PRKN: variants seen among roughly 807,000 people sequenced by gnomAD.
PRKN encodes the protein E3 ubiquitin-protein ligase parkin.
PRKN carries 56 observed loss-of-function variants against 59.5 expected under a neutral mutation model. The observed-to-expected ratio is 0.94, with a 90% CI of 0.76 to 1.18. The LOEUF (loss-of-function observed/expected upper bound fraction) is 1.18, where lower values mean the gene tolerates loss of function less well. PRKN is among the 50% of genes most tolerant of loss of function. The pLI, the probability that PRKN is intolerant of heterozygous loss-of-function variation, is 0.00. For synonymous variants in PRKN, 250 were observed against 222.1 expected, an observed-to-expected ratio of 1.13 and a Z score of -1.12; for missense variants, 657 against 596.4, an observed-to-expected ratio of 1.10 and a Z score of -1.06.
At chr6:162,375,484 G>A (rs1367868961) in intron 2 of PRKN, among the ~76,000 whole-genome samples, 1 of 150,960 alleles carries the variant, frequency 6.6e-6, no homozygotes, top group Non-Finnish European at 1.5e-5. Flanking sequence ...ATGTGTCATA[G>A]ACTGCATGGA....
chr6:161,961,477 T>A (rs1357603303), intron 6 of PRKN, among the ~76,000 whole-genome samples: 1 of 152,154 alleles, frequency 6.6e-6, no homozygotes, highest in Non-Finnish European at 1.5e-5. Context: ...CAAAGTTCTG[T>A]CTTGGCCAAG....
chr6:162,011,719 G>A (rs1165656059), intron 5 of PRKN, among the ~76,000 whole-genome samples: 1 of 150,108 alleles, frequency 6.7e-6, no homozygotes, highest in East Asian at 2.0e-4. Context: ...GTCACTCTGG[G>A]CTAATGACCT....
intron 5 of PRKN, among the ~76,000 whole-genome samples, chr6:162,031,054 G>A (rs1033139316): frequency 6.6e-6 from 1 of 152,124 alleles, no homozygotes; most frequent in African/African-American, 2.4e-5. Flanking sequence ...GGAAGAAGTT[G>A]ACATTACATA....
rs919945122 is a variant in PRKN at position 162,247,099 on chromosome 6, A to G, written c.412+15426T>C. On this transcript the variant is annotated intron_variant, in intron 3 of 11. Transcript: ENST00000366898. ...AGGAGCCTGTAGCTCTAAAAATTGT[A>G]CTATATATATTTATAGCTTTGTTAG... Among the ~76,000 whole-genome samples, 3 of 152,242 alleles carry G rather than the reference A, an allele frequency of 2.0e-5. No homozygotes were observed. The East Asian group carries it at 5.8e-4, about 29-fold the overall frequency.
intron 3 of PRKN, among the ~76,000 whole-genome samples, chr6:162,239,483 C>T (rs536123592): frequency 3.9e-5 from 6 of 152,036 alleles, no homozygotes; most frequent in South Asian, 4.2e-4. Flanking sequence ...CATGGTTAAG[C>T]GGCAAGCCCA....
chr6:161,601,371 T>C (rs1397640352), intron 7 of PRKN, among the ~76,000 whole-genome samples: 1 of 152,096 alleles, frequency 6.6e-6, no homozygotes, highest in Admixed American at 6.5e-5. Context: ...CTCCTTTGGG[T>C]CTATTAGATA....
intron 7 of PRKN, among the ~76,000 whole-genome samples, chr6:161,680,218 T>C (rs1785266036): frequency 6.6e-6 from 1 of 152,212 alleles, no homozygotes; most frequent in Non-Finnish European, 1.5e-5. Context: ...CCTTTCTCCT[T>C]AATTAGAGCA....
At chr6:162,296,431 T>C (rs1006984658) in intron 2 of PRKN, among the ~76,000 whole-genome samples, 3 of 152,082 alleles carry the variant, frequency 2.0e-5, no homozygotes, top group Admixed American at 1.3e-4. Context: ...TTTCTGAGCA[T>C]TGCAGGCTTT....
rs906440928 is a variant in PRKN at position 161,560,768 on chromosome 6, A to C, written c.933+8587T>G. On this transcript the variant is annotated intron_variant, in intron 8 of 11. Transcript: ENST00000366898. The surrounding 1 kb of genome is among the most constrained non-coding windows in gnomAD (Gnocchi z 4.9). ...TCTTGCTAAAGTATGAACATTGCTTAAATTCTTCAACTTCATCAAGACGTC... is the reference window on the plus strand; with the variant it reads ...TCTTGCTAAAGTATGAACATTGCTTCAATTCTTCAACTTCATCAAGACGTC... 1.3e-5 allele frequency among the ~76,000 whole-genome samples: 2 copies of C among 152,190 alleles called. No individual in the cohort carries two copies. Among genetic ancestry groups the C allele is most frequent in the African/African-American group, 2.4e-5 (1 of 41,446 alleles).
chr6:162,291,768 A>G (rs1781439223), intron 2 of PRKN, among the ~76,000 whole-genome samples: 1 of 152,124 alleles, frequency 6.6e-6, no homozygotes, highest in African/African-American at 2.4e-5. Flanking sequence ...CCGCTACGAC[A>G]ACAATCTCCA....
chr6:161,981,842 G>C (rs1251765898), intron 5 of PRKN, among the ~76,000 whole-genome samples: 1 of 152,158 alleles, frequency 6.6e-6, no homozygotes, highest in African/African-American at 2.4e-5. Flanking sequence ...GACCTAAAAA[G>C]TTAATGAGTC....
chr6:162,110,278 A>G (rs1780369574), intron 4 of PRKN, among the ~76,000 whole-genome samples: 2 of 152,202 alleles, frequency 1.3e-5, no homozygotes, highest in Non-Finnish European at 2.9e-5. Flanking sequence ...ACACATACAC[A>G]TATTCTACCA....
chr6:161,861,255 T>A (rs957460658), intron 6 of PRKN, among the ~76,000 whole-genome samples: 3 of 152,160 alleles, frequency 2.0e-5, no homozygotes, highest in Admixed American at 1.3e-4. Context: ...TAAAAAAGGA[T>A]GAGTTTGTGT....
chr6:162,099,994 T>C (rs1364615630), intron 4 of PRKN, among the ~76,000 whole-genome samples: 3 of 152,254 alleles, frequency 2.0e-5, no homozygotes, highest in Non-Finnish European at 4.4e-5. Context: ...TCAGTGTTTT[T>C]AGATTCCACG....
intron 6 of PRKN, among the ~76,000 whole-genome samples, chr6:161,921,451 T>C (rs1264474127): frequency 1.3e-5 from 2 of 152,248 alleles, no homozygotes; most frequent in Non-Finnish European, 2.9e-5. Flanking sequence ...TAATTATTCA[T>C]GACCATTATC....
At chr6:161,712,785 GAAAACAAAAACA>G (rs369052586) in intron 7 of PRKN, among the ~76,000 whole-genome samples, 2 of 151,790 alleles carry the variant, frequency 1.3e-5, no homozygotes, top group South Asian at 2.1e-4. Flanking sequence ...CTGGAATAAG[GAAAACAAAAACA>G]AAAACAAAAA....
At chr6:162,295,397 A>G (rs1024585292) in intron 2 of PRKN, among the ~76,000 whole-genome samples, 3 of 152,172 alleles carry the variant, frequency 2.0e-5, no homozygotes, top group Non-Finnish European at 4.4e-5. Flanking sequence ...TTATCAGTCT[A>G]TATTTACACA....
At chr6:162,639,581 A>C (rs1238973220) in intron 1 of PRKN, among the ~76,000 whole-genome samples, 5 of 152,166 alleles carry the variant, frequency 3.3e-5, no homozygotes, top group African/African-American at 1.2e-4. Context: ...CTAGACAAAA[A>C]TCTGTACATT....
At chr6:162,358,453 A>T (rs549772946) in intron 2 of PRKN, among the ~76,000 whole-genome samples, 1 of 152,166 alleles carries the variant, frequency 6.6e-6, no homozygotes, top group African/African-American at 2.4e-5. Flanking sequence ...CCTTCTTTTT[A>T]AAATAATAAT....
Sources: allele counts gnomAD v4.1 joint callset (sites outside exome capture counted in the v4.1 genomes callset), GRCh38; gene constraint gnomAD v4.1.1; non-coding constraint Gnocchi (gnomAD v3.1); transcripts MANE v1.5; gene names NCBI Gene and HGNC (gene_info 2026-07-23, HGNC 2026-07-21).